EFNA5: variants seen among roughly 807,000 people sequenced by gnomAD.
The protein encoded by EFNA5 is ephrin-A5.
EFNA5 carries 5 observed loss-of-function variants against 22.9 expected under a neutral mutation model. The ratio of observed to expected loss-of-function variants is 0.22; its 90% CI spans 0.11 to 0.46. EFNA5 has a LOEUF of 0.46. Among genes scored for constraint, EFNA5 ranks in the 20% least tolerant of loss-of-function variants. The pLI, the probability that EFNA5 is intolerant of heterozygous loss-of-function variation, is 0.99. For synonymous variants in EFNA5, 113 were observed against 112.2 expected (o/e 1.01, Z -0.04); for missense variants, 237 against 293.3 (o/e 0.81, Z 1.40).
intron 1 of EFNA5, among the ~76,000 whole-genome samples, chr5:107,507,753 CT>C (rs1215134125): frequency 6.6e-6 from 1 of 152,150 alleles, no homozygotes; most frequent in African/African-American, 2.4e-5. Context: ...GGGAGAATCA[CT>C]TGAACCCAGG....
chr5:107,468,947 C>G (rs549455658), intron 1 of EFNA5, among the ~76,000 whole-genome samples: 1 of 152,268 alleles, frequency 6.6e-6, no homozygotes, highest in South Asian at 2.1e-4. Context: ...AATTTAATTA[C>G]TTATGGGTGA....
intron 1 of EFNA5, among the ~76,000 whole-genome samples, chr5:107,560,833 G>A (rs73198643): frequency 0.031 from 4,656 of 152,246 alleles, 231 homozygotes; most frequent in African/African-American, 0.1. Context: ...CCTGAGATCA[G>A]AATCCCAAAG....
In EFNA5 at chr5:107,434,920, T is replaced by C. The variant is rs543310592; in HGVS notation, c.126-7411A>G. Among the ~76,000 whole-genome samples, 673 of 152,346 alleles carry C rather than the reference T, an allele frequency of 4.4e-3. 2 individuals carry two copies. Among genetic ancestry groups the C allele is most frequent in the Non-Finnish European group, 8.0e-3 (547 of 68,026 alleles). On this transcript the variant is annotated intron_variant, in intron 1 of 4. Transcript: ENST00000333274. The stretch of plus-strand genomic sequence containing the variant: ...CTTCTTTAATTACAAGGCAACCTAA[T>C]GTATTACATTCTGAAATTGAAATGT...
Position 107,574,363 on chromosome 5 carries a change from C to CAAA in EFNA5, c.125+96123_125+96125dup, listed in dbSNP as rs11420605. 5.1e-3 allele frequency among the ~76,000 whole-genome samples: 770 copies of CAAA among 149,732 alleles called. 7 individuals are homozygous for CAAA. The highest frequency in any genetic ancestry group is 0.017 in the African/African-American group (704 of 40,928). Reference sequence around the variant, plus strand: ...TAACAATACTAGGAGCCCTCCCTTGCAAAAAAAAAATCATTCAATAAGCTC... The same window carrying CAAA: ...TAACAATACTAGGAGCCCTCCCTTGCAAAAAAAAAAAAATCATTCAATAAGCTC... On this transcript the variant is annotated intron_variant, in intron 1 of 4. Transcript: ENST00000333274.
intron 1 of EFNA5, among the ~76,000 whole-genome samples, chr5:107,638,302 A>T (rs1750429811): frequency 6.6e-6 from 1 of 152,228 alleles, no homozygotes; most frequent in Non-Finnish European, 1.5e-5. Context: ...AAAAAAGTAG[A>T]ACTCATAGAG....
At chr5:107,444,061 A>G (rs1378517075) in intron 1 of EFNA5, among the ~76,000 whole-genome samples, 1 of 152,158 alleles carries the variant, frequency 6.6e-6, no homozygotes, top group African/African-American at 2.4e-5. Flanking sequence ...AACATCATCC[A>G]TGTGGACACA....
intron 4 of EFNA5, among the ~76,000 whole-genome samples, chr5:107,386,534 G>T (rs1400172043): frequency 6.6e-6 from 1 of 152,168 alleles, no homozygotes; most frequent in East Asian, 1.9e-4. Context: ...AACATTAGGA[G>T]TGTGGAAGTC....
At chr5:107,470,661 C>T (rs1750114628) in intron 1 of EFNA5, among the ~76,000 whole-genome samples, 1 of 152,142 alleles carries the variant, frequency 6.6e-6, no homozygotes, top group Admixed American at 6.6e-5. Context: ...TTCATAAATT[C>T]TTCTCCCCTT....
At chr5:107,489,051 C>A (rs1746726804) in intron 1 of EFNA5, among the ~76,000 whole-genome samples, 1 of 152,022 alleles carries the variant, frequency 6.6e-6, no homozygotes, top group Non-Finnish European at 1.5e-5. Context: ...CAGTGTTATA[C>A]CTCCCAAAAT....
intron 1 of EFNA5, among the ~76,000 whole-genome samples, chr5:107,638,516 A>G (rs192247468): frequency 6.6e-6 from 1 of 152,322 alleles, no homozygotes; most frequent in Admixed American, 6.5e-5. Flanking sequence ...GATCAAAAAT[A>G]TTTTTAAAAA....
Position 107,427,392 on chromosome 5 carries a change from C to T in EFNA5, c.243G>A (p.Met81Ile). 1 of 1,614,030 alleles carries T rather than the reference C, an allele frequency of 6.2e-7. No homozygotes were observed. The highest frequency in any genetic ancestry group is 2.2e-5 in the East Asian group (1 of 44,866). ...AGGCACTGTAGCCATCAAAGTTCAC[C>T]ATGTAGAGGACATAGCGCTCAGTCT... ...EDKTERYVLY[M>I]VNFDGYSACD... is the part of the protein sequence containing the mutation. The change falls in exon 2 of 5, where the codon ATG (methionine) becomes ATA (isoleucine). Residue 81 changes from methionine to isoleucine, a missense_variant. Physicochemically the swap from Met to Ile is conservative, Grantham distance 10 (BLOSUM62 1). This residue lies in a region of EFNA5 where 120 missense variants were observed against 140.5 expected (regional missense o/e 0.85). Coordinates refer to ENST00000333274, the MANE Select transcript of EFNA5 (RefSeq NM_001962.3).
chr5:107,623,094 C>G (rs183752364), intron 1 of EFNA5, among the ~76,000 whole-genome samples: 66 of 133,062 alleles, frequency 5.0e-4, no homozygotes, highest in Admixed American at 4.9e-3. Context: ...CCAGAACTGA[C>G]TAAATGCAAG....
chr5:107,504,293 A>G (rs1490641585), intron 1 of EFNA5, among the ~76,000 whole-genome samples: 2 of 152,214 alleles, frequency 1.3e-5, no homozygotes, highest in Non-Finnish European at 2.9e-5. Flanking sequence ...TTTTTAAAGT[A>G]ACTGACTTGA....
At chr5:107,591,960 T>TATATATAATATATATTATATATA (rs1749359325) in intron 1 of EFNA5, among the ~76,000 whole-genome samples, 1 of 11,902 alleles carries the variant, frequency 8.4e-5, no homozygotes, top group East Asian at 1.3e-3. Context: ...TAATATATAA[T>TATATATAATATATATTATATATA]ATATATAATA....
At chr5:107,668,744 GA>G (rs1163308532) in intron 1 of EFNA5, among the ~76,000 whole-genome samples, 3 of 151,806 alleles carry the variant, frequency 2.0e-5, no homozygotes, top group East Asian at 1.9e-4. Context: ...CACAAACGGG[GA>G]AAAAAAACTA....
chr5:107,545,682 C>A, intron 1 of EFNA5, among the ~76,000 whole-genome samples: 1 of 152,154 alleles, frequency 6.6e-6, no homozygotes, highest in East Asian at 1.9e-4. Flanking sequence ...GCTCTTCAAT[C>A]TGCTGGCATC....
chr5:107,599,362 T>C (rs1283217741), intron 1 of EFNA5, among the ~76,000 whole-genome samples: 1 of 152,190 alleles, frequency 6.6e-6, no homozygotes, highest in East Asian at 1.9e-4. Context: ...AGAGATATGC[T>C]CTGAGTATGA....
chr5:107,439,899 T>C (rs1268744630), intron 1 of EFNA5, among the ~76,000 whole-genome samples: 1 of 152,200 alleles, frequency 6.6e-6, no homozygotes, highest in Non-Finnish European at 1.5e-5. Context: ...ATTAAGTGCA[T>C]TCTAGGGGCA....
At position 107,670,644 on chromosome 5, in the gene EFNA5, C is replaced by T. The variant is rs570824137; in HGVS notation, c.-31G>A. 195 of 1,594,170 alleles carry T rather than the reference C, an allele frequency of 1.2e-4. 2 individuals are homozygous for T. The South Asian group carries it at 2.1e-3, about 17-fold the overall frequency. ...CTGGCCAGCGGCGGAGCCCCCGACG[C>T]GCCACTCCGGGGAGAGAGCGGGGAT... On this transcript the variant is annotated 5_prime_UTR_variant, in exon 1 of 5. Transcript: ENST00000333274.
Sources: allele counts gnomAD v4.1 joint callset (sites outside exome capture counted in the v4.1 genomes callset), GRCh38; gene constraint gnomAD v4.1.1; regional missense constraint gnomAD v4.1.1; transcripts MANE v1.5; gene names NCBI Gene and HGNC (gene_info 2026-07-23, HGNC 2026-07-21).